Variants in PSTPIP2 observed in about 807,000 individuals in gnomAD.
PSTPIP2 encodes the protein proline-serine-threonine phosphatase-interacting protein 2.
Under a neutral mutation model 63.3 loss-of-function variants are expected in PSTPIP2, and 33 were observed. The ratio of observed to expected loss-of-function variants is 0.52; its 90% CI spans 0.40 to 0.70. The LOEUF (loss-of-function observed/expected upper bound fraction) is 0.70. Ranked by LOEUF, PSTPIP2 falls within the 30% of genes least tolerant of loss-of-function variation. PSTPIP2 has a pLI of 0.00. For synonymous variants in PSTPIP2, 125 were observed against 132.7 expected, an observed-to-expected ratio of 0.94 and a Z score of 0.40; for missense variants, 312 against 400.7, an observed-to-expected ratio of 0.78 and a Z score of 1.89.
intron 8 of PSTPIP2, 68 bp from the exon 9 acceptor site, chr18:45,997,896 G>A: frequency 7.1e-7 from 1 of 1,408,138 alleles, no homozygotes. Flanking sequence ...ACACCCACAG[G>A]CTGGTCTCAG....
At chr18:46,005,355 T>G in intron 6 of PSTPIP2, 114 bp downstream of exon 6, 1 of 906,854 alleles carries the variant, frequency 1.1e-6, no homozygotes, top group Non-Finnish European at 1.6e-6. Context: ...AACACTGCAC[T>G]AATAAATAAT....
At chr18:45,985,508 T>C in intron 14 of PSTPIP2, 58 bp from the exon 15 acceptor site, 2 of 1,548,306 alleles carry the variant, frequency 1.3e-6, no homozygotes, top group South Asian at 2.2e-5. Context: ...CAATACTCTC[T>C]CCTACCTTGA....
At chr18:46,026,688 C>A (rs1907590643) in intron 2 of PSTPIP2, among the ~76,000 whole-genome samples, 1 of 151,774 alleles carries the variant, frequency 6.6e-6, no homozygotes, top group Non-Finnish European at 1.5e-5. Flanking sequence ...GCAGCCCTGG[C>A]AACACAGCAA....
chr18:46,071,436 C>T (rs1361696661), intron 1 of PSTPIP2, among the ~76,000 whole-genome samples: 1 of 152,144 alleles, frequency 6.6e-6, no homozygotes, highest in African/African-American at 2.4e-5. Context: ...GGCAGACCTG[C>T]TCCCTCCAGG....
intron 9 of PSTPIP2, among the ~76,000 whole-genome samples, chr18:45,997,135 G>T (rs1011838286): frequency 6.6e-6 from 1 of 152,084 alleles, no homozygotes; most frequent in African/African-American, 2.4e-5. Context: ...CAAGGTTTGG[G>T]GAAAACTATT....
At chr18:46,024,489 C>CA in intron 3 of PSTPIP2, 120 bp downstream of exon 3, 2 of 833,544 alleles carry the variant, frequency 2.4e-6, no homozygotes. Flanking sequence ...ATCCCATCTC[C>CA]AAAAAAATTT....
At chr18:46,006,664 G>A (rs185449030) in intron 5 of PSTPIP2, among the ~76,000 whole-genome samples, 4 of 152,014 alleles carry the variant, frequency 2.6e-5, no homozygotes, top group South Asian at 2.1e-4. Flanking sequence ...ATGAGCCACC[G>A]CGCCCGGCCT....
intron 4 of PSTPIP2, among the ~76,000 whole-genome samples, chr18:46,012,777 A>AAG (rs1033045053): frequency 6.6e-6 from 1 of 152,124 alleles, no homozygotes; most frequent in Non-Finnish European, 1.5e-5. Flanking sequence ...ATCTCAAAAA[A>AAG]AGAGAGAGAG....
rs2051667704 is a variant in PSTPIP2, at chr18:46,001,653, G to A, written c.418-2119C>T. 3.3e-5 allele frequency among the ~76,000 whole-genome samples: 5 copies of A among 152,138 alleles called. No individual in the cohort carries two copies. The South Asian group carries it at 1.0e-3, about 32-fold the overall frequency. On this transcript the variant is annotated intron_variant, in intron 6 of 14. Transcript: ENST00000409746. ...TTATCTTATAAAACTGAAATTCTAT[G>A]CCCGTTAAACAATAACATCTCAACT...
At chr18:45,988,297 T>TGGTGGTGC (rs113876524) in intron 14 of PSTPIP2, among the ~76,000 whole-genome samples, 35,965 of 150,908 alleles carry the variant, frequency 0.24, 6,134 homozygotes, top group African/African-American at 0.47. Context: ...TAGCTGGGTG[T>TGGTGGTGC]GGTGGTGCAT....
At chr18:46,013,821 C>T (rs1179326561) in intron 4 of PSTPIP2, among the ~76,000 whole-genome samples, 2 of 152,150 alleles carry the variant, frequency 1.3e-5, no homozygotes, top group Non-Finnish European at 2.9e-5. Context: ...AATAGAACTT[C>T]ACCCCAACAG....
chr18:45,998,432 A>G (rs2051626455), intron 8 of PSTPIP2, among the ~76,000 whole-genome samples: 1 of 152,222 alleles, frequency 6.6e-6, no homozygotes, highest in Admixed American at 6.5e-5. Flanking sequence ...AGATGCCCCA[A>G]TACATCAGAG....
intron 1 of PSTPIP2, among the ~76,000 whole-genome samples, chr18:46,063,589 A>G (rs576030565): frequency 1.7e-4 from 26 of 151,678 alleles, no homozygotes; most frequent in South Asian, 4.2e-4. Flanking sequence ...TGTCATGCCT[A>G]TACTGGATGT....
chr18:46,009,902 T>C (rs1188566395), intron 5 of PSTPIP2, among the ~76,000 whole-genome samples: 2 of 152,184 alleles, frequency 1.3e-5, no homozygotes, highest in African/African-American at 2.4e-5. Context: ...ATTTCTGCTC[T>C]GAAAAAAGGC....
intron 1 of PSTPIP2, among the ~76,000 whole-genome samples, chr18:46,050,197 A>G (rs1398074481): frequency 6.6e-6 from 1 of 152,208 alleles, no homozygotes; most frequent in Non-Finnish European, 1.5e-5. Flanking sequence ...GCCTTTGACG[A>G]TGAGGAGTTT....
intron 9 of PSTPIP2, among the ~76,000 whole-genome samples, chr18:45,994,159 T>C (rs1390369018): frequency 6.6e-6 from 1 of 152,326 alleles, no homozygotes; most frequent in Non-Finnish European, 1.5e-5. Flanking sequence ...TCTTTGTGTA[T>C]GTTTAATTGT....
intron 1 of PSTPIP2, among the ~76,000 whole-genome samples, chr18:46,060,996 G>A (rs890582679): frequency 9.9e-5 from 15 of 152,142 alleles, no homozygotes; most frequent in African/African-American, 3.6e-4. Context: ...ACCAATAGAT[G>A]CACATTAATA....
chr18:46,011,272 G>A lies in PSTPIP2; in HGVS notation c.263C>T (p.Ala88Val), dbSNP rs759381077. Residue 88 changes from alanine to valine, a missense_variant, in exon 5 of 15, where the codon GCA (alanine) becomes GTA (valine). Transcript: ENST00000409746. ...CTGTGCAAGCTGAATGTGACATTGT[G>A]CCACATTGTCTACTTCTGCAAAAAA... ...EVFKQQVDNV[A>V]QCHIQLAQSL... The A allele has an allele frequency of 6.2e-7, 1 of 1,613,260 alleles. No homozygotes were observed. The highest frequency in any genetic ancestry group is 8.5e-7 in the Non-Finnish European group (1 of 1,179,630).
chr18:46,052,440 A>G (rs994626026), intron 1 of PSTPIP2, among the ~76,000 whole-genome samples: 1 of 152,202 alleles, frequency 6.6e-6, no homozygotes, highest in Admixed American at 6.5e-5. Context: ...GACACCATAT[A>G]ACTTTGAAGA....
Sources: gnomAD v4.1 joint callset for allele counts (sites outside exome capture counted in the v4.1 genomes callset) on GRCh38, gnomAD v4.1.1 for gene constraint, MANE v1.5 for transcripts, NCBI Gene and HGNC (gene_info 2026-07-23, HGNC 2026-07-21) for gene names.